The following NANOGNB variants were observed in gnomAD, a reference collection of about 807,000 sequenced individuals.
The protein encoded by NANOGNB is NANOG neighbor homeobox.
Under a neutral mutation model 25.0 loss-of-function variants are expected in NANOGNB, and 30 were observed. That is an observed-to-expected ratio of 1.20 (90% confidence interval 0.90 to 1.63). The LOEUF (loss-of-function observed/expected upper bound fraction) is 1.63. NANOGNB is among the 40% of genes most tolerant of loss of function. The pLI is 0.00. For synonymous variants in NANOGNB, 84 were observed against 62.1 expected (o/e 1.35, Z -1.66); for missense variants, 200 against 188.1 (o/e 1.06, Z -0.37).
chr12:7,766,510 C>T (rs1865246207), intron 1 of NANOGNB, among the ~76,000 whole-genome samples: 1 of 152,088 alleles, frequency 6.6e-6, no homozygotes, highest in Non-Finnish European at 1.5e-5. Context: ...ACAAAACAAA[C>T]CCACTATCTC....
chr12:7,767,381 GTTTTTTTT>G (rs63721661), intron 1 of NANOGNB, among the ~76,000 whole-genome samples: 2 of 140,266 alleles, frequency 1.4e-5, no homozygotes, highest in Non-Finnish European at 3.1e-5. Flanking sequence ...TTACAAGAGG[GTTTTTTTT>G]TTTTTTTTCT....
intron 3 of NANOGNB, among the ~76,000 whole-genome samples, chr12:7,772,056 C>T (rs758949585): frequency 1.1e-4 from 17 of 152,294 alleles, no homozygotes; most frequent in Admixed American, 3.3e-4. Context: ...CTGTGCCAAC[C>T]GACAAGAATA....
chr12:7,770,680 T>C (rs1410189366), intron 3 of NANOGNB, among the ~76,000 whole-genome samples, 162 bp downstream of exon 3: 1 of 152,092 alleles, frequency 6.6e-6, no homozygotes, highest in Non-Finnish European at 1.5e-5. Flanking sequence ...TGGCGCCATC[T>C]CGGCTCACCG....
At chr12:7,770,609 C>A in intron 3 of NANOGNB, 91 bp downstream of exon 3, 2 of 809,938 alleles carry the variant, frequency 2.5e-6, no homozygotes, top group East Asian at 2.8e-5. Context: ...ATTGGGTATG[C>A]CCATAAACTT....
intron 1 of NANOGNB, among the ~76,000 whole-genome samples, chr12:7,769,384 G>A (rs1342089580): frequency 6.6e-6 from 1 of 150,626 alleles, no homozygotes; most frequent in Admixed American, 6.7e-5. Flanking sequence ...GTGCAGTGGT[G>A]CAACCTCAGC....
chr12:7,774,024 A>T lies in NANOGNB; in HGVS notation c.*173A>T, dbSNP rs1862613425. 3 of 411,142 alleles carry T rather than the reference A, an allele frequency of 7.3e-6. No homozygotes were observed. Among genetic ancestry groups the T allele is most frequent in the Non-Finnish European group, 1.3e-5 (3 of 234,058 alleles). The allele number at this position is 411,142 out of a possible 1,614,324, so 25.5% of individuals were successfully genotyped here. A position where few individuals can be genotyped will look rare whatever the true frequency, so the allele number is the denominator to read the frequency against. Reference sequence around the variant, plus strand: ...GTAGAACTAAATGAGGGGTATGCAAAGGAGTTTTTATGTGTTTTATTTTTA... The same window carrying T: ...GTAGAACTAAATGAGGGGTATGCAATGGAGTTTTTATGTGTTTTATTTTTA... On this transcript the variant is annotated 3_prime_UTR_variant, in exon 4 of 4. Transcript: ENST00000382119.
chr12:7,765,433 G>C (rs1048840288), intron 1 of NANOGNB, 46 bp downstream of exon 1: 2 of 353,756 alleles, frequency 5.7e-6, no homozygotes, highest in Admixed American at 7.7e-5. Context: ...AGCTGGGCGT[G>C]GTGGCGGGCG....
chr12:7,772,320 C>T (rs762887673), intron 3 of NANOGNB, among the ~76,000 whole-genome samples: 2 of 152,130 alleles, frequency 1.3e-5, no homozygotes, highest in African/African-American at 4.8e-5. Context: ...CTCTGTCGCC[C>T]AGGCTGGAGT....
intron 1 of NANOGNB, among the ~76,000 whole-genome samples, chr12:7,767,163 G>A (rs961558466): frequency 1.2e-4 from 18 of 152,078 alleles, no homozygotes; most frequent in African/African-American, 4.1e-4. Context: ...TTTTTGCAAT[G>A]TCAGGGTCAT....
chr12:7,767,477 T>C (rs970460493), intron 1 of NANOGNB, among the ~76,000 whole-genome samples: 1 of 151,440 alleles, frequency 6.6e-6, no homozygotes, highest in African/African-American at 2.4e-5. Flanking sequence ...GGCGGACAGA[T>C]CACTGAAGCT....
intron 1 of NANOGNB, among the ~76,000 whole-genome samples, chr12:7,768,135 T>A (rs1285504582): frequency 6.6e-6 from 1 of 152,202 alleles, no homozygotes; most frequent in Non-Finnish European, 1.5e-5. Context: ...GGGCAATTGC[T>A]GGGTCATATG....
intron 3 of NANOGNB, among the ~76,000 whole-genome samples, chr12:7,773,578 A>AAAAAAAAC (rs1862607554): frequency 1.5e-5 from 2 of 132,048 alleles, no homozygotes; most frequent in Admixed American, 8.1e-5. Context: ...AAAAAAAAAA[A>AAAAAAAAC]AGCCAGGCTT....
intron 3 of NANOGNB, among the ~76,000 whole-genome samples, chr12:7,772,671 C>G (rs527849105): frequency 2.0e-5 from 3 of 150,720 alleles, no homozygotes; most frequent in Non-Finnish European, 4.4e-5. Flanking sequence ...GCAACCTCCA[C>G]CTCCCAGGTT....
At chr12:7,766,755 T>G (rs1865249784) in intron 1 of NANOGNB, among the ~76,000 whole-genome samples, 1 of 152,154 alleles carries the variant, frequency 6.6e-6, no homozygotes. Context: ...CCTGAACTCC[T>G]GACCTCAAGT....
intron 3 of NANOGNB, 68 bp from the exon 4 acceptor site, chr12:7,773,732 A>T (rs1420335331): frequency 1.8e-6 from 1 of 557,432 alleles, no homozygotes; most frequent in African/African-American, 2.0e-5. Context: ...TCTCAAAAAA[A>T]AATTTAAAAT....
intron 1 of NANOGNB, among the ~76,000 whole-genome samples, chr12:7,767,852 C>G (rs1865259284): frequency 6.6e-6 from 1 of 151,130 alleles, no homozygotes; most frequent in South Asian, 2.1e-4. Context: ...GCCTTGACCT[C>G]CTGGACTCAA....
chr12:7,768,266 A>G (rs1865262530), intron 1 of NANOGNB, among the ~76,000 whole-genome samples: 1 of 152,120 alleles, frequency 6.6e-6, no homozygotes, highest in Non-Finnish European at 1.5e-5. Context: ...AACTAATCAC[A>G]TATTTCTAGA....
At position 7,773,976 on chromosome 12, in the gene NANOGNB, T is replaced by C. The variant is rs1412373903; in HGVS notation, c.*125T>C. ...TTCTGAAAGGATAAACAAGAAAACA[T>C]TAACAGTCGTTGATTCCGTGGAGTA... On this transcript the variant is annotated 3_prime_UTR_variant, in exon 4 of 4. Coordinates refer to ENST00000382119, the MANE Select transcript of NANOGNB (RefSeq NM_001145465.1). 1.5e-5 allele frequency: 7 copies of C among 463,048 alleles called. No homozygotes were observed. The East Asian group carries it at 2.5e-4, about 16-fold the overall frequency. 28.7% of individuals were successfully genotyped at this position (463,048 alleles called of 1,614,324 possible). A position where few individuals can be genotyped will look rare whatever the true frequency, so the allele number is the denominator to read the frequency against.
At chr12:7,766,361 T>C (rs1050180248) in intron 1 of NANOGNB, among the ~76,000 whole-genome samples, 4 of 152,092 alleles carry the variant, frequency 2.6e-5, no homozygotes, top group Non-Finnish European at 5.9e-5. Context: ...TAGTCCCAGC[T>C]ACTCAGGAGG....
Sources: allele counts gnomAD v4.1 joint callset (sites outside exome capture counted in the v4.1 genomes callset), GRCh38; gene constraint gnomAD v4.1.1; transcripts MANE v1.5; gene names NCBI Gene and HGNC (gene_info 2026-07-23, HGNC 2026-07-21).